Variants in MAP7D2 observed in about 807,000 individuals in gnomAD.
The protein encoded by MAP7D2 is MAP7 domain containing 2.
Under a neutral mutation model 63.5 loss-of-function variants are expected in MAP7D2, and 33 were observed. That is an observed-to-expected ratio of 0.52 (90% CI 0.39 to 0.70). The LOEUF is 0.70. Ranked by LOEUF, MAP7D2 falls within the 30% of genes least tolerant of loss-of-function variation. MAP7D2 has a pLI of 0.00. For missense variants in MAP7D2, 626 were observed against 604.0 expected (o/e 1.04, Z -0.38); for synonymous variants, 224 against 223.7 (o/e 1.00, Z -0.01).
intron 1 of MAP7D2, among the ~76,000 whole-genome samples, chrX:20,067,398 A>G (rs1265904628): frequency 8.9e-6 from 1 of 111,805 alleles, no homozygotes; most frequent in Non-Finnish European, 1.9e-5. Context: ...TCACACCTTC[A>G]AATCATCTTT....
At chrX:20,109,035 G>A (rs890667490) in intron 1 of MAP7D2, among the ~76,000 whole-genome samples, 1 of 109,508 alleles carries the variant, frequency 9.1e-6, no homozygotes, top group Non-Finnish European at 1.9e-5. Context: ...TCTAAGAAAT[G>A]AGATCCCCAT....
intron 6 of MAP7D2, chrX:20,049,957 A>C (rs1310046730): frequency 1.1e-5 from 3 of 262,005 alleles, no homozygotes; most frequent in African/African-American, 5.7e-5. Flanking sequence ...CATCTTATGA[A>C]CCTATTAGCT....
intron 1 of MAP7D2, among the ~76,000 whole-genome samples, chrX:20,094,516 GTATATA>G (rs1208747143): frequency 0.023 from 275 of 11,880 alleles, 26 homozygotes; most frequent in Middle Eastern, 0.083. Context: ...ATATATATAT[GTATATA>G]TATATATATA....
chrX:20,101,606 TA>T (rs2066438864), intron 1 of MAP7D2, among the ~76,000 whole-genome samples: 1 of 112,063 alleles, frequency 8.9e-6, no homozygotes, highest in African/African-American at 3.2e-5. Context: ...ATAACGCTCA[TA>T]AAAGTTTTAG....
At chrX:20,081,884 A>G (rs778997875) in intron 1 of MAP7D2, among the ~76,000 whole-genome samples, 16 of 111,582 alleles carry the variant, frequency 1.4e-4, no homozygotes, top group Non-Finnish European at 2.8e-4. Context: ...TTCTGACCTT[A>G]GGTGATCAGC....
chrX:20,107,119 T>C (rs1194663067), intron 1 of MAP7D2, among the ~76,000 whole-genome samples: 2 of 111,477 alleles, frequency 1.8e-5, no homozygotes, highest in African/African-American at 6.5e-5. Context: ...ATGTGCTGTC[T>C]GGTTCTTTCA....
intron 8 of MAP7D2, among the ~76,000 whole-genome samples, chrX:20,027,425 C>A (rs1276808423): frequency 8.9e-6 from 1 of 111,735 alleles, no homozygotes; most frequent in African/African-American, 3.3e-5. Flanking sequence ...CCCCGCCATA[C>A]ATATACGCCC....
At chrX:20,036,321 CA>C (rs1239026887) in intron 8 of MAP7D2, among the ~76,000 whole-genome samples, 1 of 110,277 alleles carries the variant, frequency 9.1e-6, no homozygotes, top group Non-Finnish European at 1.9e-5. Context: ...CAGCTCACTG[CA>C]ACCTCCGCCT....
chrX:20,012,268 TA>T, intron 15 of MAP7D2, 80 bp downstream of exon 15: 1 of 794,709 alleles, frequency 1.3e-6, no homozygotes, highest in Non-Finnish European at 1.8e-6. Flanking sequence ...TTTGGTTGTA[TA>T]AAAGACGAAG....
At chrX:20,106,055 A>G (rs2066558195) in intron 1 of MAP7D2, among the ~76,000 whole-genome samples, 1 of 111,846 alleles carries the variant, frequency 8.9e-6, no homozygotes, top group South Asian at 3.7e-4. Flanking sequence ...AACCGAATCC[A>G]CTATCAACAA....
chrX:20,072,928 G>A (rs1176162865), intron 1 of MAP7D2, among the ~76,000 whole-genome samples: 1 of 112,129 alleles, frequency 8.9e-6, no homozygotes, highest in Admixed American at 9.5e-5. Context: ...TGGTATTTTA[G>A]GCAGTGGTGA....
At chrX:20,116,512 C>A in intron 1 of MAP7D2, 3 of 871,724 alleles carry the variant, frequency 3.4e-6, no homozygotes, top group Non-Finnish European at 4.2e-6. Flanking sequence ...TAAGCCACCC[C>A]CCATGTGTAC....
At chrX:20,039,026 G>A in intron 8 of MAP7D2, among the ~76,000 whole-genome samples, 1 of 112,265 alleles carries the variant, frequency 8.9e-6, no homozygotes, top group Admixed American at 9.4e-5. Context: ...ACTCCACCAG[G>A]TAAAAGACAA....
Position 20,093,060 on chromosome X carries a change from C to T in MAP7D2, c.130+23690G>A, listed in dbSNP as rs775707018. On this transcript the variant is annotated intron_variant, in intron 1 of 16. Coordinates refer to ENST00000379643, the MANE Select transcript of MAP7D2 (RefSeq NM_001168465.2). ...CCAGTTCTCTCTTGCTGGCCTAGCT[C>T]GCAGTTCCCACAGCCTCCCAGCCAG... Among the ~76,000 whole-genome samples, 4 of 111,718 alleles carry T rather than the reference C, an allele frequency of 3.6e-5. No homozygotes were observed. The East Asian group carries it at 8.5e-4, about 24-fold the overall frequency.
chrX:20,056,945 C>T (rs775855842), intron 3 of MAP7D2, among the ~76,000 whole-genome samples, 154 bp from the exon 4 acceptor site: 2 of 112,521 alleles, frequency 1.8e-5, no homozygotes, highest in South Asian at 3.7e-4. Context: ...GCCACACCAG[C>T]GTGTTCTGAG....
At chrX:20,052,774 T>C (rs1339714209) in intron 5 of MAP7D2, 104 bp downstream of exon 5, 2 of 609,233 alleles carry the variant, frequency 3.3e-6, no homozygotes, top group Non-Finnish European at 2.7e-6. Context: ...ACAATGACGG[T>C]ATCTGCAGAA....
chrX:20,104,462 G>A (rs566321672), intron 1 of MAP7D2, among the ~76,000 whole-genome samples: 19 of 111,508 alleles, frequency 1.7e-4, no homozygotes, highest in Middle Eastern at 4.6e-3. Flanking sequence ...CACCACACCC[G>A]GCTAATTTTT....
chrX:20,035,924 ATATGTG>A (rs1333125634), intron 8 of MAP7D2, among the ~76,000 whole-genome samples: 19 of 51,588 alleles, frequency 3.7e-4, no homozygotes, highest in African/African-American at 9.1e-4. Context: ...AAAAAAATAT[ATATGTG>A]TGTGTGTGTG....
At chrX:20,039,600 T>C (rs1250364300) in intron 8 of MAP7D2, among the ~76,000 whole-genome samples, 1 of 111,281 alleles carries the variant, frequency 9.0e-6, no homozygotes, top group African/African-American at 3.3e-5. Flanking sequence ...TGTTCCTGGG[T>C]GTGTCTGTGA....
Sources: allele counts gnomAD v4.1 joint callset (sites outside exome capture counted in the v4.1 genomes callset), GRCh38; gene constraint gnomAD v4.1.1; transcripts MANE v1.5; gene names NCBI Gene and HGNC (gene_info 2026-07-23, HGNC 2026-07-21).